VTA1: variants seen among roughly 807,000 people sequenced by gnomAD.
The protein encoded by VTA1 is vacuolar protein sorting-associated protein VTA1 homolog.
A neutral mutation model predicts 36.9 loss-of-function variants in VTA1; 24 were observed. The ratio of observed to expected loss-of-function variants is 0.65; its 90% CI spans 0.47 to 0.91. VTA1 has a LOEUF of 0.91. Ranked by LOEUF, VTA1 falls within the 40% of genes least tolerant of loss-of-function variation. VTA1 has a pLI of 0.00. For missense variants in VTA1, 393 were observed against 377.2 expected, an observed-to-expected ratio of 1.04 and a Z score of -0.35; for synonymous variants, 142 against 130.2, an observed-to-expected ratio of 1.09 and a Z score of -0.62.
intron 7 of VTA1, 88 bp from the exon 8 acceptor site, chr6:142,218,410 T>G: frequency 7.3e-7 from 1 of 1,374,910 alleles, no homozygotes; most frequent in East Asian, 2.4e-5. Context: ...TTAAATATGT[T>G]TTTTAATCTT....
intron 5 of VTA1, among the ~76,000 whole-genome samples, chr6:142,196,875 A>G (rs1394952886): frequency 2.0e-5 from 3 of 152,154 alleles, no homozygotes; most frequent in African/African-American, 7.2e-5. Context: ...GCCAGAACTC[A>G]AACTTTGTCC....
At chr6:142,208,703 A>G (rs1291787779) in intron 7 of VTA1, among the ~76,000 whole-genome samples, 1 of 152,216 alleles carries the variant, frequency 6.6e-6, no homozygotes, top group African/African-American at 2.4e-5. Context: ...AGCAAATAGC[A>G]TATAACAGAG....
chr6:142,157,198 A>AT (rs1253276564), intron 1 of VTA1, among the ~76,000 whole-genome samples: 3 of 152,172 alleles, frequency 2.0e-5, no homozygotes, highest in Non-Finnish European at 4.4e-5. Flanking sequence ...GCCTCTTACT[A>AT]TTTTTTGTTG....
rs1011525929 is a variant in VTA1 at position 142,181,795 on chromosome 6, A to T, written c.412-7631A>T. On this transcript the variant is annotated intron_variant, in intron 4 of 7. Transcript: ENST00000367630. ...CTTTGTGTATTAAGTTATAGTTATG[A>T]TTTGGGGGGTATAGTTTTACTCTCC... Among the ~76,000 whole-genome samples, 5 of 152,050 alleles carry T rather than the reference A, an allele frequency of 3.3e-5. No homozygotes were observed. In the East Asian group the frequency reaches 9.6e-4, roughly 29 times the overall value.
intron 4 of VTA1, among the ~76,000 whole-genome samples, chr6:142,186,728 G>A (rs780000313): frequency 2.0e-5 from 3 of 152,016 alleles, no homozygotes; most frequent in Non-Finnish European, 4.4e-5. Context: ...CACATAGTCG[G>A]GTATTTGTCA....
At position 142,169,648 on chromosome 6, in the gene VTA1, C is replaced by A; in HGVS notation, c.306C>A (p.Asp102Glu). The A allele has an allele frequency of 6.2e-7, 1 of 1,606,734 alleles. No homozygotes were observed. Among genetic ancestry groups the A allele is most frequent in the Non-Finnish European group, 8.5e-7 (1 of 1,178,174 alleles). ...CTTTGAAAATGTTTTTGTATGCAGA[C>A]AATGAAGATCGTGCTGGACGATTTC... Reference protein sequence around the residue: ...NYALKMFLYADNEDRAGRFHK... With the variant: ...NYALKMFLYAENEDRAGRFHK... The change falls in exon 3 of 8, where the codon GAC becomes GAA. Residue 102 changes from aspartate (D) to glutamate (E), a missense_variant. Transcript: ENST00000367630.
chr6:142,157,870 GT>G (rs11357585), intron 1 of VTA1, among the ~76,000 whole-genome samples: 32,658 of 137,214 alleles, frequency 0.24, 4,399 homozygotes, highest in East Asian at 0.68. Flanking sequence ...ACTATTTTGG[GT>G]TTTTTTTTTT....
chr6:142,218,399 C>T, intron 7 of VTA1, 99 bp from the exon 8 acceptor site: 1 of 1,264,732 alleles, frequency 7.9e-7, no homozygotes, highest in Non-Finnish European at 1.1e-6. Context: ...TTTACATAGC[C>T]TTAAATATGT....
intron 1 of VTA1, among the ~76,000 whole-genome samples, chr6:142,156,120 T>C (rs1582875400): frequency 6.6e-6 from 1 of 152,326 alleles, no homozygotes; most frequent in Non-Finnish European, 1.5e-5. Context: ...CTGTAGCTGA[T>C]TGGCATTTTA....
intron 1 of VTA1, among the ~76,000 whole-genome samples, chr6:142,162,631 C>T (rs568341699): frequency 6.6e-6 from 1 of 152,118 alleles, no homozygotes; most frequent in African/African-American, 2.4e-5. Flanking sequence ...GACAATCTGT[C>T]GTCAGTTTCT....
In VTA1 at chr6:142,170,358, G is replaced by A. The variant is rs1379122729; in HGVS notation, c.348G>A (p.Lys116=). Residue 116 remains lysine, a synonymous_variant, in exon 4 of 8, where the codon AAG becomes AAA. Transcript: ENST00000367630. ...TTTTCTCTTCCAGAAACATGATCAA[G>A]TCCTTCTATACTGCAAGTCTTTTGA... ...RAGRFHKNMI[K]SFYTASLLID... is the part of the protein sequence containing the mutation. The A allele has an allele frequency of 1.9e-6, 3 of 1,606,742 alleles. No homozygotes were observed. Among genetic ancestry groups the A allele is most frequent in the Non-Finnish European group, 2.6e-6 (3 of 1,176,358 alleles).
intron 4 of VTA1, 140 bp downstream of exon 4, chr6:142,170,561 TA>T: frequency 1.9e-6 from 1 of 528,108 alleles, no homozygotes; most frequent in Non-Finnish European, 3.2e-6. Flanking sequence ...TTGCATTTTT[TA>T]TTAGCCATTT....
At chr6:142,198,812 G>A (rs1775621777) in intron 6 of VTA1, 197 bp downstream of exon 6, 3 of 485,148 alleles carry the variant, frequency 6.2e-6, no homozygotes. Context: ...TTTGAGAAAT[G>A]ACAAGTATTA....
At position 142,224,030 on chromosome 6, in the gene VTA1, T is replaced by G. The variant is rs1776158271; in HGVS notation, c.*5387T>G. ...AAATTGTATCCCTTCAGAATTCATA[T>G]TTTGAAGCACTGATCTCCAGTGTGT... is the stretch of plus-strand genomic sequence containing the variant. On this transcript the variant is annotated 3_prime_UTR_variant, in exon 8 of 8. Coordinates refer to ENST00000367630, the MANE Select transcript of VTA1 (RefSeq NM_016485.5). The G allele has an allele frequency of 6.6e-6, 1 of 152,190 alleles. No individual in the cohort carries two copies. The highest frequency in any genetic ancestry group is 2.4e-5 in the African/African-American group (1 of 41,444). The allele number at this position is 152,190 out of a possible 1,614,324, so 9.4% of individuals were successfully genotyped here.
intron 7 of VTA1, among the ~76,000 whole-genome samples, chr6:142,217,192 A>C (rs1269529814): frequency 6.6e-6 from 1 of 152,152 alleles, no homozygotes; most frequent in Non-Finnish European, 1.5e-5. Flanking sequence ...GTAATCTTAA[A>C]TACTACTAGT....
chr6:142,198,743 C>T (rs1775620095), intron 6 of VTA1, 128 bp downstream of exon 6: 2 of 830,518 alleles, frequency 2.4e-6, no homozygotes, highest in Non-Finnish European at 3.5e-6. Flanking sequence ...TCCATTTGAA[C>T]CCACAAGAAA....
At chr6:142,166,786 C>A (rs775782132) in intron 2 of VTA1, among the ~76,000 whole-genome samples, 1 of 151,998 alleles carries the variant, frequency 6.6e-6, no homozygotes, top group African/African-American at 2.4e-5. Flanking sequence ...ACGCGCCCGG[C>A]TAGTTTTTTT....
intron 7 of VTA1, among the ~76,000 whole-genome samples, chr6:142,214,453 A>G (rs909645489): frequency 7.2e-5 from 11 of 152,114 alleles, no homozygotes; most frequent in Admixed American, 1.3e-4. Context: ...AGTGCCACAC[A>G]CTTTTAAACC....
rs1394862760 is a variant in VTA1, at chr6:142,198,167, A to ATG, written c.521-266_521-265dup. On this transcript the variant is annotated intron_variant, in intron 5 of 7. Coordinates refer to ENST00000367630, the MANE Select transcript of VTA1 (RefSeq NM_016485.5). ...TGTGTGTGTGTGTGTGTGTGTGTATATGTGTGTACATATACACTATATGCA... is the reference window on the plus strand; with the variant it reads ...TGTGTGTGTGTGTGTGTGTGTGTATATGTGTGTGTACATATACACTATATGCA... Among the ~76,000 whole-genome samples, 835 of 127,418 alleles carry ATG rather than the reference A, an allele frequency of 6.6e-3. 5 individuals carry two copies. Among genetic ancestry groups the ATG allele is most frequent in the Middle Eastern group, 0.011 (3 of 264 alleles). The allele number at this position is 127,418 out of a possible 152,430, so 83.6% of individuals were successfully genotyped here.
Sources: gnomAD v4.1 joint callset for allele counts (sites outside exome capture counted in the v4.1 genomes callset) on GRCh38, gnomAD v4.1.1 for gene constraint, MANE v1.5 for transcripts, NCBI Gene and HGNC (gene_info 2026-07-23, HGNC 2026-07-21) for gene names.